The following APBB2 variants were observed in gnomAD, a reference collection of about 807,000 sequenced individuals.
The protein encoded by APBB2 is amyloid beta precursor protein binding family B member 2, also known as Fe65-like 1.
Under a neutral mutation model 82.5 loss-of-function variants are expected in APBB2, and 38 were observed. That is an observed-to-expected ratio of 0.46 (90% CI 0.36 to 0.60). The LOEUF (loss-of-function observed/expected upper bound fraction) is 0.60, where lower values mean the gene tolerates loss of function less well. Ranked by LOEUF, APBB2 falls within the 20% of genes least tolerant of loss-of-function variation. The pLI is 0.00. For synonymous variants in APBB2, 341 were observed against 368.2 expected, an observed-to-expected ratio of 0.93 and a Z score of 0.85; for missense variants, 772 against 972.3, an observed-to-expected ratio of 0.79 and a Z score of 2.74.
At chr4:41,078,161 A>C (rs1180834361) in intron 3 of APBB2, among the ~76,000 whole-genome samples, 1 of 152,184 alleles carries the variant, frequency 6.6e-6, no homozygotes, top group Non-Finnish European at 1.5e-5. Context: ...AAGAAAGATA[A>C]ACCCCTCTCT....
At chr4:41,053,569 A>G (rs1305231102) in intron 4 of APBB2, among the ~76,000 whole-genome samples, 1 of 152,048 alleles carries the variant, frequency 6.6e-6, no homozygotes. Context: ...CTGAAATCCA[A>G]TAAAGCCTGT....
chr4:41,111,247 C>G (rs1305666730), intron 2 of APBB2, among the ~76,000 whole-genome samples: 1 of 152,240 alleles, frequency 6.6e-6, no homozygotes, highest in African/African-American at 2.4e-5. Context: ...CAGCCCTGTT[C>G]CTAACAGACC....
intron 6 of APBB2, among the ~76,000 whole-genome samples, chr4:40,975,908 C>G (rs1797075920): frequency 6.6e-6 from 1 of 152,080 alleles, no homozygotes; most frequent in Admixed American, 6.6e-5. Context: ...TAGGGACTCT[C>G]ATGAATACTT....
At chr4:41,159,958 A>AAGG (rs1353736308) in intron 1 of APBB2, among the ~76,000 whole-genome samples, 4 of 58,670 alleles carry the variant, frequency 6.8e-5, no homozygotes, top group Non-Finnish European at 1.4e-4. Flanking sequence ...GGAGAAGGAG[A>AAGG]AGGAGAAGAA....
chr4:40,893,152 AC>A, intron 11 of APBB2, 112 bp downstream of exon 11: 1 of 1,306,062 alleles, frequency 7.7e-7, no homozygotes, highest in Non-Finnish European at 1.0e-6. Context: ...GGGAAAAGGC[AC>A]CTGATGAACA....
At chr4:41,037,099 G>A (rs1466008421) in intron 4 of APBB2, among the ~76,000 whole-genome samples, 1 of 152,192 alleles carries the variant, frequency 6.6e-6, no homozygotes, top group Non-Finnish European at 1.5e-5. Context: ...TTTAAATACA[G>A]ATTTATAAGT....
At chr4:41,141,864 A>G (rs1363135147) in intron 2 of APBB2, among the ~76,000 whole-genome samples, 1 of 152,182 alleles carries the variant, frequency 6.6e-6, no homozygotes, top group Non-Finnish European at 1.5e-5. Flanking sequence ...CCCCACCCCC[A>G]TAATTCAATC....
intron 6 of APBB2, among the ~76,000 whole-genome samples, chr4:40,991,011 ATT>A (rs796337000): frequency 5.9e-5 from 8 of 134,808 alleles, no homozygotes; most frequent in Non-Finnish European, 7.8e-5. Context: ...ACTGAGTTTC[ATT>A]TTTTTTTTTT....
chr4:40,975,182 C>T (rs145074215), intron 6 of APBB2, among the ~76,000 whole-genome samples: 1 of 152,266 alleles, frequency 6.6e-6, no homozygotes, highest in Non-Finnish European at 1.5e-5. Flanking sequence ...CCACTCTCTT[C>T]TAACCCACTG....
At chr4:40,970,943 T>C (rs1439769092) in intron 6 of APBB2, among the ~76,000 whole-genome samples, 1 of 152,170 alleles carries the variant, frequency 6.6e-6, no homozygotes, top group Non-Finnish European at 1.5e-5. Flanking sequence ...CCCCTATGTC[T>C]TCTAAGAATT....
At chr4:40,838,136 CATTATT>C (rs68050698) in intron 12 of APBB2, among the ~76,000 whole-genome samples, 4,976 of 142,140 alleles carry the variant, frequency 0.035, 141 homozygotes, top group African/African-American at 0.081. Context: ...TTCAAGTGGG[CATTATT>C]ATTATTATTA....
At chr4:40,838,278 T>C (rs1201406038) in intron 12 of APBB2, among the ~76,000 whole-genome samples, 18 of 150,914 alleles carry the variant, frequency 1.2e-4, no homozygotes, top group African/African-American at 3.9e-4. Flanking sequence ...TTCTCATGCC[T>C]TGGCTTCTTG....
chr4:40,837,943 C>A (rs756854310), intron 12 of APBB2, among the ~76,000 whole-genome samples: 2 of 151,936 alleles, frequency 1.3e-5, no homozygotes, highest in Admixed American at 6.6e-5. Flanking sequence ...CCCAGAGGAC[C>A]AAGATAGAGT....
chr4:40,946,148 C>T (rs934001884), intron 6 of APBB2, among the ~76,000 whole-genome samples: 1 of 148,372 alleles, frequency 6.7e-6, no homozygotes, highest in Non-Finnish European at 1.5e-5. Flanking sequence ...AGGAGAAACG[C>T]TTCAACCCAG....
At chr4:40,982,833 C>A (rs1438270487) in intron 6 of APBB2, among the ~76,000 whole-genome samples, 1 of 151,982 alleles carries the variant, frequency 6.6e-6, no homozygotes, top group Non-Finnish European at 1.5e-5. Context: ...TTCACTTATC[C>A]AAATGCAGCA....
At position 41,163,651 on chromosome 4, in the gene APBB2, T is replaced by C. The variant is rs59401265; in HGVS notation, c.-416-20509A>G. On this transcript the variant is annotated intron_variant, in intron 1 of 17. Coordinates refer to ENST00000508593, the MANE Select transcript of APBB2 (RefSeq NM_004307.2). ...AGTGATAATGGGCATCCTGGACATCTTGACTTTAAGCTAAATTCAACAGAT... is the reference window on the plus strand; with the variant it reads ...AGTGATAATGGGCATCCTGGACATCCTGACTTTAAGCTAAATTCAACAGAT... Among the ~76,000 whole-genome samples, 1,451 of 152,334 alleles carry C rather than the reference T, an allele frequency of 9.5e-3. 33 individuals carry two copies. Among genetic ancestry groups the C allele is most frequent in the African/African-American group, 0.033 (1,370 of 41,574 alleles).
intron 7 of APBB2, among the ~76,000 whole-genome samples, chr4:40,944,632 T>A (rs566501694): frequency 2.0e-5 from 3 of 152,294 alleles, no homozygotes; most frequent in Non-Finnish European, 4.4e-5. Context: ...TTGCTTTCTG[T>A]ACCTGGAATG....
intron 17 of APBB2, among the ~76,000 whole-genome samples, chr4:40,819,177 TTTTTTTTTTTTC>T (rs1488462020): frequency 1.3e-4 from 1 of 7,474 alleles, no homozygotes; most frequent in East Asian, 8.3e-4. Context: ...CTTGGCTCTC[TTTTTTTTTTTTC>T]TTTTTTTTTT....
At chr4:40,835,837 G>A (rs1753740531) in intron 12 of APBB2, among the ~76,000 whole-genome samples, 1 of 152,348 alleles carries the variant, frequency 6.6e-6, no homozygotes, top group South Asian at 2.1e-4. Context: ...CAGGGCAGAG[G>A]AGACAGATGG....
Sources: allele counts gnomAD v4.1 joint callset (sites outside exome capture counted in the v4.1 genomes callset), GRCh38; gene constraint gnomAD v4.1.1; transcripts MANE v1.5; gene names NCBI Gene and HGNC (gene_info 2026-07-23, HGNC 2026-07-21).